CNTN4: variants seen among roughly 807,000 people sequenced by gnomAD.
CNTN4 encodes contactin 4.
CNTN4 carries 77 observed loss-of-function variants against 122.5 expected under a neutral mutation model. The ratio of observed to expected loss-of-function variants is 0.63; its 90% CI spans 0.52 to 0.76. The LOEUF (loss-of-function observed/expected upper bound fraction) is 0.76. Among genes scored for constraint, CNTN4 ranks in the 30% least tolerant of loss-of-function variants. The pLI, the probability that CNTN4 is intolerant of heterozygous loss-of-function variation, is 0.00. For missense variants in CNTN4, 1,256 were observed against 1,259.1 expected (o/e 1.00, Z 0.04); for synonymous variants, 512 against 447.0 (o/e 1.15, Z -1.83).
intron 3 of CNTN4, among the ~76,000 whole-genome samples, chr3:2,472,959 C>T (rs947397984): frequency 2.0e-5 from 3 of 151,950 alleles, no homozygotes; most frequent in African/African-American, 4.8e-5. Flanking sequence ...GTCGGCAGGG[C>T]GTGGTGGCTC....
At chr3:3,000,881 T>A (rs1695965090) in intron 14 of CNTN4, among the ~76,000 whole-genome samples, 1 of 65,774 alleles carries the variant, frequency 1.5e-5, no homozygotes, top group South Asian at 3.0e-4. Context: ...TCTTTCTTTC[T>A]TTTTTTTTTT....
intron 2 of CNTN4, among the ~76,000 whole-genome samples, chr3:2,295,986 G>A (rs1361869091): frequency 2.6e-5 from 4 of 152,098 alleles, no homozygotes; most frequent in Non-Finnish European, 4.4e-5. Context: ...TCAGATAGTT[G>A]TAGATATGCA....
At chr3:2,401,241 A>G (rs962513446) in intron 3 of CNTN4, among the ~76,000 whole-genome samples, 1 of 152,122 alleles carries the variant, frequency 6.6e-6, no homozygotes, top group African/African-American at 2.4e-5. Context: ...CATTCCACTA[A>G]TGGGAAGATA....
intron 3 of CNTN4, among the ~76,000 whole-genome samples, chr3:2,486,125 C>A (rs1005295274): frequency 1.3e-5 from 2 of 152,070 alleles, no homozygotes; most frequent in Admixed American, 6.6e-5. Flanking sequence ...AACAACAACT[C>A]CAGACACCCT....
intron 3 of CNTN4, among the ~76,000 whole-genome samples, chr3:2,569,199 A>G (rs2079312425): frequency 6.6e-6 from 1 of 152,180 alleles, no homozygotes; most frequent in African/African-American, 2.4e-5. Flanking sequence ...TCAGAAACTA[A>G]GCTATTTAAG....
chr3:2,997,920 G>T (rs1346921046), intron 14 of CNTN4, among the ~76,000 whole-genome samples: 1 of 152,130 alleles, frequency 6.6e-6, no homozygotes, highest in Non-Finnish European at 1.5e-5. Context: ...TTCCCAAACT[G>T]GAAAACATAC....
chr3:3,031,028 T>C lies in CNTN4; in HGVS notation c.1783+53T>C. 3.7e-6 allele frequency: 6 copies of C among 1,610,998 alleles called. No individual in the cohort carries two copies. The South Asian group carries it at 5.5e-5, about 15-fold the overall frequency. On this transcript the variant is annotated intron_variant, in intron 16 of 24. Transcript: ENST00000418658. ...CTTGAAATATTTTCATGATATCTACTGTAGCGCAGAGTTCCAGAAACCTCA... is the reference window on the plus strand; with the variant it reads ...CTTGAAATATTTTCATGATATCTACCGTAGCGCAGAGTTCCAGAAACCTCA...
intron 4 of CNTN4, among the ~76,000 whole-genome samples, chr3:2,612,063 T>C (rs114445111): frequency 0.012 from 1,854 of 151,480 alleles, 38 homozygotes; most frequent in African/African-American, 0.042. Context: ...CAAAGAAAAA[T>C]CTATTATTCA....
At chr3:2,469,112 C>G (rs1478166382) in intron 3 of CNTN4, among the ~76,000 whole-genome samples, 3 of 152,254 alleles carry the variant, frequency 2.0e-5, no homozygotes, top group Non-Finnish European at 2.9e-5. Flanking sequence ...AGTTAGCTAA[C>G]CACTATCTCT....
intron 3 of CNTN4, among the ~76,000 whole-genome samples, chr3:2,343,726 C>G (rs1392524858): frequency 6.6e-6 from 1 of 152,196 alleles, no homozygotes; most frequent in African/African-American, 2.4e-5. Flanking sequence ...ACCTGGACAA[C>G]TCATAGTCAA....
In CNTN4 at chr3:2,393,681, T is replaced by C. The variant is rs538718787; in HGVS notation, c.-89+54448T>C. Among the ~76,000 whole-genome samples the C allele has an allele frequency of 5.2e-4, 79 of 152,266 alleles. 1 individual carries two copies. Among genetic ancestry groups the C allele is most frequent in the Middle Eastern group, 6.8e-3 (2 of 294 alleles). ...AATTATCATCCTTACATAAATCTTA[T>C]GATGTTTTCAAGTATTTCTGTCTTC... On this transcript the variant is annotated intron_variant, in intron 3 of 24. Coordinates refer to ENST00000418658, the MANE Select transcript of CNTN4 (RefSeq NM_175607.3).
rs190919996 is a variant in CNTN4 at position 2,252,892 on chromosome 3, T to C, written c.-144-86286T>C. Among the ~76,000 whole-genome samples, 4 of 152,310 alleles carry C rather than the reference T, an allele frequency of 2.6e-5. No homozygotes were observed. The East Asian group carries it at 7.7e-4, about 29-fold the overall frequency. On this transcript the variant is annotated intron_variant, in intron 2 of 24. Coordinates refer to ENST00000418658, the MANE Select transcript of CNTN4 (RefSeq NM_175607.3). ...CTTCTTTGCTTTTTGGTACGTTTTCTTATTTAGTTATTAAATAAGTTCTTA... is the reference window on the plus strand; with the variant it reads ...CTTCTTTGCTTTTTGGTACGTTTTCCTATTTAGTTATTAAATAAGTTCTTA...
At chr3:2,875,596 T>C (rs1200512905) in intron 8 of CNTN4, among the ~76,000 whole-genome samples, 4 of 152,178 alleles carry the variant, frequency 2.6e-5, no homozygotes, top group African/African-American at 9.6e-5. Flanking sequence ...AGTTGAGCAG[T>C]AACAGGGACT....
intron 2 of CNTN4, among the ~76,000 whole-genome samples, chr3:2,315,195 C>T (rs2043052434): frequency 7.6e-6 from 1 of 131,886 alleles, no homozygotes; most frequent in Non-Finnish European, 1.7e-5. Flanking sequence ...TATCATTGAG[C>T]ATAAATCAGC....
At chr3:2,809,563 A>G (rs2092555294) in intron 6 of CNTN4, among the ~76,000 whole-genome samples, 1 of 152,178 alleles carries the variant, frequency 6.6e-6, no homozygotes, top group African/African-American at 2.4e-5. Flanking sequence ...TGCCTTCTGA[A>G]ACCTTTGTTT....
At chr3:2,851,172 A>G (rs1472131004) in intron 7 of CNTN4, among the ~76,000 whole-genome samples, 1 of 152,250 alleles carries the variant, frequency 6.6e-6, no homozygotes, top group Non-Finnish European at 1.5e-5. Flanking sequence ...TTCTATGGCG[A>G]ATATACAGTT....
chr3:3,031,042 C>T, intron 16 of CNTN4, 67 bp downstream of exon 16: 2 of 1,596,328 alleles, frequency 1.3e-6, no homozygotes, highest in South Asian at 2.2e-5. Flanking sequence ...GCGCAGAGTT[C>T]CAGAAACCTC....
At chr3:2,205,324 T>G (rs1279528160) in intron 2 of CNTN4, among the ~76,000 whole-genome samples, 2 of 149,594 alleles carry the variant, frequency 1.3e-5, no homozygotes, top group Non-Finnish European at 3.0e-5. Context: ...TAATTACTAA[T>G]TTATTTTGTA....
intron 2 of CNTN4, among the ~76,000 whole-genome samples, chr3:2,211,597 C>G (rs2038620706): frequency 6.6e-6 from 1 of 152,108 alleles, no homozygotes; most frequent in Non-Finnish European, 1.5e-5. Flanking sequence ...TATGATAACA[C>G]AGATTTGTCT....
Sources: allele counts gnomAD v4.1 joint callset (sites outside exome capture counted in the v4.1 genomes callset), GRCh38; gene constraint gnomAD v4.1.1; transcripts MANE v1.5; gene names NCBI Gene and HGNC (gene_info 2026-07-23, HGNC 2026-07-21).